Variants in ATP9A observed in about 807,000 individuals in gnomAD.
The protein encoded by ATP9A is ATPase phospholipid transporting 9A, also known as probable phospholipid-transporting ATPase IIA.
In ATP9A, 52 loss-of-function variants were observed where a neutral mutation model predicts 144.1. That is an observed-to-expected ratio of 0.36 (90% confidence interval 0.29 to 0.45). ATP9A has a LOEUF of 0.45. Among genes scored for constraint, ATP9A ranks in the 20% least tolerant of loss-of-function variants. ATP9A has a pLI of 1.00. For missense variants in ATP9A, 947 were observed against 1,392.7 expected (o/e 0.68, Z 5.09); for synonymous variants, 582 against 557.4 (o/e 1.04, Z -0.62).
In ATP9A at chr20:51,690,752, C is replaced by G; in HGVS notation, c.710G>C (p.Gly237Ala). Residue 237 changes from glycine (G) to alanine (A), a missense_variant, in exon 8 of 28, where the codon GGA becomes GCA. Physicochemically the swap from Gly to Ala is moderately conservative, Grantham distance 60. Coordinates refer to ENST00000338821, the MANE Select transcript of ATP9A (RefSeq NM_006045.3). ...EPNIDIHNFVGTFTREDSDPP... is the reference protein window; with the variant it reads ...EPNIDIHNFVATFTREDSDPP... Reference sequence around the variant, plus strand: ...AAGCTCACTTACTCGGGTAAAAGTTCCCACGAAGTTGTGAATGTCAATATT... The same window carrying G: ...AAGCTCACTTACTCGGGTAAAAGTTGCCACGAAGTTGTGAATGTCAATATT... 6.2e-7 allele frequency: 1 copy of G among 1,613,994 alleles called. No homozygotes were observed. Among genetic ancestry groups the G allele is most frequent in the African/African-American group, 1.3e-5 (1 of 75,022 alleles).
chr20:51,704,965 G>C (rs1302814407), intron 4 of ATP9A, among the ~76,000 whole-genome samples: 1 of 152,110 alleles, frequency 6.6e-6, no homozygotes, highest in Non-Finnish European at 1.5e-5. Flanking sequence ...CCTTAGTGAA[G>C]GATCTTTGCA....
intron 4 of ATP9A, 150 bp from the exon 5 acceptor site, chr20:51,697,632 C>T (rs897525222): frequency 1.5e-6 from 1 of 646,510 alleles, no homozygotes; most frequent in African/African-American, 1.8e-5. Flanking sequence ...CCATTATTTC[C>T]TGCCTCTCCA....
At chr20:51,665,033 A>G (rs1457282539) in intron 13 of ATP9A, among the ~76,000 whole-genome samples, 1 of 152,040 alleles carries the variant, frequency 6.6e-6, no homozygotes. Context: ...CCCAGCCTAA[A>G]CTTAAATTTT....
chr20:51,601,793 C>G (rs541312776), intron 27 of ATP9A, among the ~76,000 whole-genome samples: 2 of 152,232 alleles, frequency 1.3e-5, no homozygotes, highest in South Asian at 4.1e-4. Context: ...ATAGTCCCAG[C>G]TGTTCAGGAG....
chr20:51,670,176 A>T, intron 12 of ATP9A, 67 bp from the exon 13 acceptor site: 1 of 1,249,410 alleles, frequency 8.0e-7, no homozygotes, highest in Non-Finnish European at 1.2e-6. Context: ...AACAGTAATG[A>T]CAGCTGCCAT....
In ATP9A at chr20:51,690,722, G is replaced by T; in HGVS notation, c.723+17C>A. Reference sequence around the variant, plus strand: ...CACTCCCGGTGACAGGATCCCATGTGAAGGAAGCTCACTTACTCGGGTAAA... The same window carrying T: ...CACTCCCGGTGACAGGATCCCATGTTAAGGAAGCTCACTTACTCGGGTAAA... On this transcript the variant is annotated intron_variant, in intron 8 of 27. Transcript: ENST00000338821. The T allele has an allele frequency of 6.2e-7, 1 of 1,604,134 alleles. No individual in the cohort carries two copies. The highest frequency in any genetic ancestry group is 8.5e-7 in the Non-Finnish European group (1 of 1,170,954).
At position 51,690,762 on chromosome 20, in the gene ATP9A, T is replaced by A; in HGVS notation, c.700A>T (p.Asn234Tyr). The change falls in exon 8 of 28, where the codon AAC becomes TAC. Residue 234 changes from asparagine to tyrosine, a missense_variant. Coordinates refer to ENST00000338821, the MANE Select transcript of ATP9A (RefSeq NM_006045.3). ...YAEEPNIDIH[N>Y]FVGTFTREDS... is the part of the protein sequence containing the mutation. ...ACTCGGGTAAAAGTTCCCACGAAGT[T>A]GTGAATGTCAATATTTGGCTCTTCT... The A allele has an allele frequency of 1.2e-6, 2 of 1,614,158 alleles. No individual in the cohort carries two copies. Among genetic ancestry groups the A allele is most frequent in the Non-Finnish European group, 1.7e-6 (2 of 1,180,008 alleles).
chr20:51,693,939 C>G, intron 7 of ATP9A, 69 bp downstream of exon 7: 2 of 1,270,642 alleles, frequency 1.6e-6, no homozygotes, highest in Non-Finnish European at 2.1e-6. Context: ...CCTGGCCCCC[C>G]AGGTATGAGT....
At chr20:51,693,954 G>A in intron 7 of ATP9A, 54 bp downstream of exon 7, 2 of 1,501,442 alleles carry the variant, frequency 1.3e-6, no homozygotes, top group Non-Finnish European at 1.8e-6. Flanking sequence ...ATGAGTTTGA[G>A]AACCCTGCTA....
At chr20:51,690,256 TA>T (rs2077542276) in intron 8 of ATP9A, among the ~76,000 whole-genome samples, 1 of 149,960 alleles carries the variant, frequency 6.7e-6, no homozygotes, top group South Asian at 2.1e-4. Flanking sequence ...CCGTCTCTAC[TA>T]AAAATACAAA....
intron 21 of ATP9A, among the ~76,000 whole-genome samples, 192 bp downstream of exon 21, chr20:51,618,470 C>T (rs757268189): frequency 1.3e-5 from 2 of 152,146 alleles, no homozygotes; most frequent in Non-Finnish European, 2.9e-5. Context: ...ACGTGCTTAT[C>T]TACTCTCCAA....
At chr20:51,678,488 T>G (rs1301754626) in intron 9 of ATP9A, among the ~76,000 whole-genome samples, 1 of 152,098 alleles carries the variant, frequency 6.6e-6, no homozygotes, top group Non-Finnish European at 1.5e-5. Flanking sequence ...AGGCAAACAA[T>G]GTTCTCCAGC....
chr20:51,677,689 G>A (rs541505483), intron 9 of ATP9A, among the ~76,000 whole-genome samples: 13 of 152,008 alleles, frequency 8.6e-5, no homozygotes, highest in Non-Finnish European at 1.8e-4. Flanking sequence ...GCCCATTTGG[G>A]GATGTCTGTC....
intron 1 of ATP9A, among the ~76,000 whole-genome samples, chr20:51,752,813 T>A (rs1211108967): frequency 6.6e-6 from 1 of 152,068 alleles, no homozygotes; most frequent in Non-Finnish European, 1.5e-5. Context: ...AATGAAAACA[T>A]TACCTGTGGC....
At chr20:51,684,811 C>T (rs968555957) in intron 9 of ATP9A, among the ~76,000 whole-genome samples, 2 of 151,284 alleles carry the variant, frequency 1.3e-5, no homozygotes, top group South Asian at 2.1e-4. Flanking sequence ...GAGATCGAGA[C>T]CATCCTGGCT....
intron 14 of ATP9A, among the ~76,000 whole-genome samples, chr20:51,649,292 G>A (rs999287100): frequency 2.0e-5 from 3 of 152,160 alleles, no homozygotes; most frequent in Admixed American, 1.3e-4. Flanking sequence ...CCCTGGGGAG[G>A]AAAGTGGTAT....
intron 4 of ATP9A, among the ~76,000 whole-genome samples, chr20:51,708,500 C>T (rs1357912496): frequency 5.9e-5 from 9 of 151,686 alleles, no homozygotes; most frequent in East Asian, 2.0e-4. Flanking sequence ...TTTGGGAGGC[C>T]GAGGCGGGCG....
intron 3 of ATP9A, among the ~76,000 whole-genome samples, chr20:51,713,400 AAC>A (rs1160141025): frequency 2.6e-5 from 4 of 152,130 alleles, no homozygotes; most frequent in Non-Finnish European, 5.9e-5. Context: ...TCCACAAGCA[AAC>A]GATGGTGACT....
rs1004221558 is a variant in ATP9A, at chr20:51,598,732, G to A, written c.*2479C>T. 2.0e-5 allele frequency: 3 copies of A among 152,160 alleles called. No individual in the cohort carries two copies. Among genetic ancestry groups the A allele is most frequent in the African/African-American group, 7.2e-5 (3 of 41,442 alleles). 9.4% of individuals were successfully genotyped at this position (152,160 alleles called of 1,614,324 possible). A position where few individuals can be genotyped will look rare whatever the true frequency, so the allele number is the denominator to read the frequency against. Reference sequence around the variant, plus strand: ...TCCTCTCACCGGACTGCATCCTCCTGCCTTTGCGTCTCCAGTGTCTGAGAA... The same window carrying A: ...TCCTCTCACCGGACTGCATCCTCCTACCTTTGCGTCTCCAGTGTCTGAGAA... On this transcript the variant is annotated 3_prime_UTR_variant, in exon 28 of 28. Coordinates refer to ENST00000338821, the MANE Select transcript of ATP9A (RefSeq NM_006045.3).
Sources: allele counts gnomAD v4.1 joint callset (sites outside exome capture counted in the v4.1 genomes callset), GRCh38; gene constraint gnomAD v4.1.1; transcripts MANE v1.5; gene names NCBI Gene and HGNC (gene_info 2026-07-23, HGNC 2026-07-21).